The following CRX variants were observed in gnomAD, a reference collection of about 807,000 sequenced individuals.
CRX encodes cone-rod homeobox protein.
A neutral mutation model predicts 13.1 loss-of-function variants in CRX; 5 were observed. That is an observed-to-expected ratio of 0.38 (90% CI 0.20 to 0.80). CRX has a LOEUF of 0.80. Among genes scored for constraint, CRX ranks in the 30% least tolerant of loss-of-function variants. The pLI, the probability that CRX is intolerant of heterozygous loss-of-function variation, is 0.43. For synonymous variants in CRX, 179 were observed against 171.1 expected (o/e 1.05, Z -0.36); for missense variants, 351 against 391.8 (o/e 0.90, Z 0.88).
chr19:47,833,676 C>G (rs1968081851), intron 1 of CRX, among the ~76,000 whole-genome samples: 1 of 152,136 alleles, frequency 6.6e-6, no homozygotes, highest in Non-Finnish European at 1.5e-5. Context: ...GTCCTGTGTT[C>G]CAAGAAACAC....
At chr19:47,824,210 C>T (rs980388480) in intron 1 of CRX, among the ~76,000 whole-genome samples, 2 of 152,174 alleles carry the variant, frequency 1.3e-5, no homozygotes, top group African/African-American at 2.4e-5. Flanking sequence ...AAATTTTACC[C>T]CTGGTTCTTC....
At chr19:47,837,693 AGAT>A (rs1227283438) in intron 3 of CRX, among the ~76,000 whole-genome samples, 1 of 152,168 alleles carries the variant, frequency 6.6e-6, no homozygotes, top group African/African-American at 2.4e-5. Flanking sequence ...ATGATTAGAT[AGAT>A]CCATTAATGC....
At chr19:47,823,419 T>C (rs1967935619) in intron 1 of CRX, among the ~76,000 whole-genome samples, 1 of 152,150 alleles carries the variant, frequency 6.6e-6, no homozygotes, top group Non-Finnish European at 1.5e-5. Flanking sequence ...AGGGATCACA[T>C]TGTTGATCAC....
chr19:47,823,526 C>T (rs375571602), intron 1 of CRX, among the ~76,000 whole-genome samples: 12 of 152,142 alleles, frequency 7.9e-5, no homozygotes, highest in African/African-American at 2.4e-4. Context: ...TCCTTGTCCC[C>T]GCTGGACAGA....
At chr19:47,829,008 C>T (rs1968011813) in intron 1 of CRX, among the ~76,000 whole-genome samples, 1 of 152,042 alleles carries the variant, frequency 6.6e-6, no homozygotes, top group Non-Finnish European at 1.5e-5. Context: ...GAGGCAGTCA[C>T]TGGTGCCAGT....
At chr19:47,832,827 G>A (rs968442065) in intron 1 of CRX, among the ~76,000 whole-genome samples, 1 of 151,992 alleles carries the variant, frequency 6.6e-6, no homozygotes, top group Non-Finnish European at 1.5e-5. Flanking sequence ...CAAGGCGACT[G>A]AGGTATACAT....
intron 1 of CRX, among the ~76,000 whole-genome samples, chr19:47,831,445 C>T (rs1374350686): frequency 6.6e-6 from 1 of 152,182 alleles, no homozygotes; most frequent in Admixed American, 6.6e-5. Flanking sequence ...CTGAGCCCCG[C>T]CTCCTGTCAG....
chr19:47,827,748 C>T (rs1462068523), intron 1 of CRX, among the ~76,000 whole-genome samples: 2 of 133,656 alleles, frequency 1.5e-5, no homozygotes, highest in African/African-American at 5.7e-5. Flanking sequence ...ATCTCAAACT[C>T]CTGACCTCAA....
rs766003111 is a variant in CRX, at chr19:47,834,469, C to A, written c.26C>A (p.Pro9His). The change falls in exon 2 of 4, where the codon CCC becomes CAC. Residue 9 changes from proline (P) to histidine (H), a missense_variant. Pro to His is a moderately conservative substitution (Grantham distance 77). Around this residue, in one of 3 missense-constraint regions of CRX, gnomAD observed 95 missense variants for 106.7 expected, o/e 0.89. Coordinates refer to ENST00000221996, the MANE Select transcript of CRX (RefSeq NM_000554.6). MMAYMNPG[P>H]HYSVNALALS... ...ATGATGGCGTATATGAACCCGGGGC[C>A]CCACTATTCTGTCAACGCCTTGGCC... 12 of 1,614,142 alleles carry A rather than the reference C, an allele frequency of 7.4e-6. No homozygotes were observed. In the South Asian group the frequency reaches 1.3e-4, roughly 18 times the overall value.
chr19:47,828,906 A>G, intron 1 of CRX, among the ~76,000 whole-genome samples: 1 of 93,866 alleles, frequency 1.1e-5, no homozygotes, highest in South Asian at 3.4e-4. Context: ...ACACACACAC[A>G]CACACACACA....
At chr19:47,823,197 T>C (rs1040628064) in intron 1 of CRX, among the ~76,000 whole-genome samples, 6 of 152,110 alleles carry the variant, frequency 3.9e-5, no homozygotes, top group African/African-American at 1.4e-4. Context: ...TCCCAGTGCT[T>C]GGGTCAGTCC....
At chr19:47,823,042 C>T (rs903586985) in intron 1 of CRX, among the ~76,000 whole-genome samples, 1 of 152,146 alleles carries the variant, frequency 6.6e-6, no homozygotes, top group African/African-American at 2.4e-5. Flanking sequence ...GTGATCAGCC[C>T]GCCTGAGCCT....
chr19:47,840,160 G>C lies in CRX; in HGVS notation c.*193G>C, dbSNP rs770510250. On this transcript the variant is annotated 3_prime_UTR_variant, in exon 4 of 4. Coordinates refer to ENST00000221996, the MANE Select transcript of CRX (RefSeq NM_000554.6). The stretch of plus-strand genomic sequence containing the variant: ...AGGGAGAGGCTCCTCCCTCTCCTGG[G>C]ACAGCTCACAGGTCCTAGTGATTCT... The C allele has an allele frequency of 5.0e-5, 32 of 634,504 alleles. No homozygotes were observed. The highest frequency in any genetic ancestry group is 2.4e-4 in the Admixed American group (9 of 37,860). The allele number at this position is 634,504 out of a possible 1,614,324, so 39.3% of individuals were successfully genotyped here.
chr19:47,831,881 T>A (rs1389139554), intron 1 of CRX, among the ~76,000 whole-genome samples: 1 of 151,556 alleles, frequency 6.6e-6, no homozygotes, highest in Admixed American at 6.6e-5. Flanking sequence ...TAGCTGGGAT[T>A]ACAGGCGCCT....
chr19:47,832,835 C>T (rs573781812), intron 1 of CRX, among the ~76,000 whole-genome samples: 3 of 152,094 alleles, frequency 2.0e-5, no homozygotes, highest in East Asian at 3.9e-4. Flanking sequence ...CTGAGGTATA[C>T]ATTGAAGGTG....
rs527236062 is a variant in CRX, at chr19:47,836,335, G to C, written c.193G>C (p.Asp65His). 3.7e-6 allele frequency: 6 copies of C among 1,614,202 alleles called. No homozygotes were observed. The East Asian group carries it at 1.3e-4, about 36-fold the overall frequency. ...ACTGTTTGCCAAGACCCAGTACCCA[G>C]ACGTCTATGCCCGTGAGGAGGTGGC... Reference protein sequence around the residue: ...EALFAKTQYPDVYAREEVALK... With the variant: ...EALFAKTQYPHVYAREEVALK... The change falls in exon 3 of 4, where the codon GAC (aspartate) becomes CAC (histidine). Residue 65 changes from aspartate to histidine, a missense_variant. By Grantham distance (81) the Asp-to-His change is moderately conservative. Coordinates refer to ENST00000221996, the MANE Select transcript of CRX (RefSeq NM_000554.6).
chr19:47,827,836 TAAAAAAAAAAAAAAAAAAAAAAAAA>T (rs1156465404), intron 1 of CRX, among the ~76,000 whole-genome samples: 1 of 41,734 alleles, frequency 2.4e-5, no homozygotes. Flanking sequence ...GCATCTTTAT[TAAAAAAAAAAAAAAAAAAAAAAAAA>T]AAAAAAAAAA....
chr19:47,829,425 G>A lies in CRX; in HGVS notation c.-35-4984G>A, dbSNP rs140266498. 6.3e-3 allele frequency among the ~76,000 whole-genome samples: 961 copies of A among 152,014 alleles called. 11 individuals carry two copies. Among genetic ancestry groups the A allele is most frequent in the African/African-American group, 0.022 (911 of 41,444 alleles). On this transcript the variant is annotated intron_variant, in intron 1 of 3. Transcript: ENST00000221996. ...CGGCTCACTGCAACCTCTGCCTCCC[G>A]GGTTCAAGTGATTCTCCTGCCTCAG... is the stretch of plus-strand genomic sequence containing the variant.
At chr19:47,832,294 C>T (rs1568623326) in intron 1 of CRX, among the ~76,000 whole-genome samples, 2 of 133,098 alleles carry the variant, frequency 1.5e-5, no homozygotes, top group South Asian at 2.3e-4. Context: ...TCTGCAGAGA[C>T]GGGGTTTCAC....
Sources: allele counts gnomAD v4.1 joint callset (sites outside exome capture counted in the v4.1 genomes callset), GRCh38; gene constraint gnomAD v4.1.1; regional missense constraint gnomAD v4.1.1; transcripts MANE v1.5; gene names NCBI Gene and HGNC (gene_info 2026-07-23, HGNC 2026-07-21).